SLC14A1: variants seen among roughly 807,000 people sequenced by gnomAD.
SLC14A1 encodes the protein solute carrier family 14 member 1 (Kidd blood group), also known as urea transporter 1.
A neutral mutation model predicts 39.6 loss-of-function variants in SLC14A1; 36 were observed. The ratio of observed to expected loss-of-function variants is 0.91; its 90% CI spans 0.70 to 1.20. SLC14A1 has a LOEUF of 1.20. SLC14A1 is among the 50% of genes most tolerant of loss of function. The pLI, the probability that SLC14A1 is intolerant of heterozygous loss-of-function variation, is 0.00. For synonymous variants in SLC14A1, 164 were observed against 173.6 expected (o/e 0.94, Z 0.43); for missense variants, 469 against 478.7 (o/e 0.98, Z 0.19).
At chr18:45,727,137 C>A in intron 2 of SLC14A1, 2 of 867,612 alleles carry the variant, frequency 2.3e-6, no homozygotes, top group Non-Finnish European at 3.7e-6. Context: ...GGGGCCACAT[C>A]TTCCCTCACC....
Position 45,736,445 on chromosome 18 carries a change from T to C in SLC14A1, c.471-11T>C, listed in dbSNP as rs762707486. 5.0e-6 allele frequency: 8 copies of C among 1,612,054 alleles called. No homozygotes were observed. The highest frequency in any genetic ancestry group is 6.8e-6 in the Non-Finnish European group (8 of 1,178,182). On this transcript the variant is annotated splice_polypyrimidine_tract_variant and intron_variant, in intron 5 of 9. Transcript: ENST00000321925. Reference sequence around the variant, plus strand: ...TCACATGCACATTCTTTTGCTCTGTTCTTTTTTTAGCCCAATTTTCTCAAG... The same window carrying C: ...TCACATGCACATTCTTTTGCTCTGTCCTTTTTTTAGCCCAATTTTCTCAAG...
At position 45,734,365 on chromosome 18, in the gene SLC14A1, T is replaced by C. The variant is rs1490746351; in HGVS notation, c.433T>C (p.Trp145Arg). 2 of 1,613,628 alleles carry C rather than the reference T, an allele frequency of 1.2e-6. No homozygotes were observed. The highest frequency in any genetic ancestry group is 1.7e-6 in the Non-Finnish European group (2 of 1,179,912). ...TTCGGACAAGGGAGACTATTTCTGG[T>C]GGCTGTTACTCCCTGTATGTGCTAT... is the stretch of plus-strand genomic sequence containing the variant. ...VFSDKGDYFW[W>R]LLLPVCAMSM... The change falls in exon 5 of 10, where the codon TGG (tryptophan) becomes CGG (arginine). Residue 145 changes from tryptophan (W) to arginine (R), a missense_variant. Physicochemically the swap from Trp to Arg is moderately radical, Grantham distance 101 (BLOSUM62 -3). Transcript: ENST00000321925.
chr18:45,743,363 G>A (rs2047444471), intron 8 of SLC14A1, among the ~76,000 whole-genome samples: 1 of 151,970 alleles, frequency 6.6e-6, no homozygotes, highest in Non-Finnish European at 1.5e-5. Context: ...CGTCTTTGGA[G>A]ACCATTATTC....
chr18:45,725,249 A>T lies in SLC14A1; in HGVS notation c.-22+236A>T, dbSNP rs146810998. ...AAATAGAGGATATTAGTTGACCTGA[A>T]ATCTTGATATTGCCTTGTATTAAAA... On this transcript the variant is annotated intron_variant, in intron 2 of 9. Coordinates refer to ENST00000321925, the MANE Select transcript of SLC14A1 (RefSeq NM_015865.7). 4.2e-4 allele frequency among the ~76,000 whole-genome samples: 64 copies of T among 152,294 alleles called. No homozygotes were observed. The Middle Eastern group carries it at 0.01, about 24-fold the overall frequency.
In SLC14A1 at chr18:45,751,851, G is replaced by T; in HGVS notation, c.*1900G>T. 1.0e-6 allele frequency: 1 copy of T among 983,962 alleles called. No individual in the cohort carries two copies. Among genetic ancestry groups the T allele is most frequent in the Non-Finnish European group, 1.2e-6 (1 of 828,752 alleles). The allele number at this position is 983,962 out of a possible 1,614,324, so 61.0% of individuals were successfully genotyped here. A position where few individuals can be genotyped will look rare whatever the true frequency, so the allele number is the denominator to read the frequency against. ...TCATGTTCATTTACTTTCCACTTCA[G>T]TGTGTATCGTGTAGTATTTTGGAGG... On this transcript the variant is annotated 3_prime_UTR_variant, in exon 10 of 10. Coordinates refer to ENST00000321925, the MANE Select transcript of SLC14A1 (RefSeq NM_015865.7).
chr18:45,740,428 T>TA (rs2047333397), intron 8 of SLC14A1, among the ~76,000 whole-genome samples: 1 of 151,474 alleles, frequency 6.6e-6, no homozygotes, highest in African/African-American at 2.4e-5. Context: ...GGGAAGAATA[T>TA]TTCTTTTTTT....
In SLC14A1 at chr18:45,751,264, CAGG is replaced by C. The variant is rs1028259193; in HGVS notation, c.*1323_*1325del. ...CTGAGGTGGGAAAATGACTTGAGCC[CAGG>C]AGGAGGAGGCTGCAGTGAGCTAAGA... On this transcript the variant is annotated 3_prime_UTR_variant, in exon 10 of 10. Transcript: ENST00000321925. The C allele has an allele frequency of 2.5e-5, 14 of 553,882 alleles. No homozygotes were observed. Among genetic ancestry groups the C allele is most frequent in the Non-Finnish European group, 3.2e-5 (14 of 437,736 alleles). 34.3% of individuals were successfully genotyped at this position (553,882 alleles called of 1,614,324 possible).
At chr18:45,745,251 A>G (rs2047514657) in intron 8 of SLC14A1, among the ~76,000 whole-genome samples, 1 of 152,134 alleles carries the variant, frequency 6.6e-6, no homozygotes, top group South Asian at 2.1e-4. Context: ...CAAAGAAAAA[A>G]TTATCGACTG....
chr18:45,733,815 G>A (rs1041429713), intron 4 of SLC14A1, among the ~76,000 whole-genome samples: 2 of 152,160 alleles, frequency 1.3e-5, no homozygotes, highest in African/African-American at 4.8e-5. Context: ...CGGTGGGCGA[G>A]TGAGCATTTC....
chr18:45,752,513 A>G lies in SLC14A1; in HGVS notation c.*2562A>G, dbSNP rs1343978032. ...GCAAGTACATGAATAAATTATGCTC[A>G]CAGCTCAGTTTTGTATAATGTGCCA... On this transcript the variant is annotated 3_prime_UTR_variant, in exon 10 of 10. Coordinates refer to ENST00000321925, the MANE Select transcript of SLC14A1 (RefSeq NM_015865.7). The G allele has an allele frequency of 6.6e-6, 1 of 152,550 alleles. No individual in the cohort carries two copies. The highest frequency in any genetic ancestry group is 6.5e-5 in the Admixed American group (1 of 15,284). 9.4% of individuals were successfully genotyped at this position (152,550 alleles called of 1,614,324 possible).
At position 45,739,605 on chromosome 18, in the gene SLC14A1, A is replaced by G; in HGVS notation, c.889A>G (p.Met297Val). The G allele has an allele frequency of 6.2e-7, 1 of 1,614,120 alleles. No individual in the cohort carries two copies. The highest frequency in any genetic ancestry group is 8.5e-7 in the Non-Finnish European group (1 of 1,180,004). Residue 297 changes from methionine (M) to valine (V), a missense_variant, in exon 8 of 10, where the codon ATG (methionine) becomes GTG (valine). Transcript: ENST00000321925. Reference sequence around the variant, plus strand: ...CAACAGCTCTCTGGCCTGCATTGCAATGGGAGGAATGTTCATGGCGCTCAC... The same window carrying G: ...CAACAGCTCTCTGGCCTGCATTGCAGTGGGAGGAATGTTCATGGCGCTCAC... The part of the protein sequence containing the change: ...GFNSSLACIA[M>V]GGMFMALTWQ...
At chr18:45,745,156 C>A (rs2047511465) in intron 8 of SLC14A1, among the ~76,000 whole-genome samples, 1 of 152,176 alleles carries the variant, frequency 6.6e-6, no homozygotes, top group South Asian at 2.1e-4. Flanking sequence ...GGCAGGAGAA[C>A]CACTTGAACT....
intron 8 of SLC14A1, chr18:45,739,931 G>T: frequency 1.9e-6 from 1 of 516,642 alleles, no homozygotes. Flanking sequence ...GATAGAAAAA[G>T]AAAAATCCCA....
Position 45,752,406 on chromosome 18 carries a change from T to A in SLC14A1, c.*2455T>A. 4.3e-6 allele frequency: 1 copy of A among 232,196 alleles called. No individual in the cohort carries two copies. The highest frequency in any genetic ancestry group is 7.1e-6 in the Non-Finnish European group (1 of 141,140). The allele number at this position is 232,196 out of a possible 1,614,324, so 14.4% of individuals were successfully genotyped here. A position where few individuals can be genotyped will look rare whatever the true frequency, so the allele number is the denominator to read the frequency against. On this transcript the variant is annotated 3_prime_UTR_variant, in exon 10 of 10. Coordinates refer to ENST00000321925, the MANE Select transcript of SLC14A1 (RefSeq NM_015865.7). ...AAATGATATTAATTTTCTCAAGCTA[T>A]TTTTGTTACTATTTTCCTAAAATTG... is the stretch of plus-strand genomic sequence containing the variant.
chr18:45,747,530 T>C (rs1388339153), intron 8 of SLC14A1, among the ~76,000 whole-genome samples: 2 of 89,242 alleles, frequency 2.2e-5, no homozygotes, highest in Non-Finnish European at 4.9e-5. Context: ...CTACTAACAA[T>C]ACAAAAAAAA....
At chr18:45,736,711 C>T in intron 6 of SLC14A1, 63 bp downstream of exon 6, 1 of 1,413,674 alleles carries the variant, frequency 7.1e-7, no homozygotes, top group East Asian at 2.3e-5. Flanking sequence ...GCCTCCTGGT[C>T]AACTGTCCAC....
At chr18:45,727,557 A>G in intron 2 of SLC14A1, 1 of 1,065,038 alleles carries the variant, frequency 9.4e-7, no homozygotes, top group Non-Finnish European at 1.3e-6. Flanking sequence ...TTGGTCCAAA[A>G]AGCCCCATGG....
In SLC14A1 at chr18:45,739,832, T is replaced by C. The variant is rs562757440; in HGVS notation, c.946+170T>C. On this transcript the variant is annotated intron_variant, in intron 8 of 9. Coordinates refer to ENST00000321925, the MANE Select transcript of SLC14A1 (RefSeq NM_015865.7). ...AGTGACGTCCCCTCTCTGAGAGCAT[T>C]AAAATCACCTCTGCCTACCTCTCTG... 105 of 748,202 alleles carry C rather than the reference T, an allele frequency of 1.4e-4. 1 individual carries two copies. In the South Asian group the frequency reaches 1.6e-3, roughly 12 times the overall value. 46.3% of individuals were successfully genotyped at this position (748,202 alleles called of 1,614,324 possible).
At chr18:45,744,438 C>T (rs1358070991) in intron 8 of SLC14A1, among the ~76,000 whole-genome samples, 1 of 152,158 alleles carries the variant, frequency 6.6e-6, no homozygotes, top group Non-Finnish European at 1.5e-5. Context: ...CAAGATTTAA[C>T]ATTTTTTTCT....
Sources: allele counts gnomAD v4.1 joint callset (sites outside exome capture counted in the v4.1 genomes callset), GRCh38; gene constraint gnomAD v4.1.1; transcripts MANE v1.5; gene names NCBI Gene and HGNC (gene_info 2026-07-23, HGNC 2026-07-21).